Variants in MIF4GD observed in about 807,000 individuals in gnomAD.
MIF4GD encodes the protein MIF4G domain containing, also known as MIF4G domain-containing protein.
A neutral mutation model predicts 26.7 loss-of-function variants in MIF4GD; 22 were observed. That is an observed-to-expected ratio of 0.82 (90% CI 0.59 to 1.18). The LOEUF (loss-of-function observed/expected upper bound fraction) is 1.18, where lower values mean the gene tolerates loss of function less well. MIF4GD is among the 50% of genes most tolerant of loss of function. MIF4GD has a pLI of 0.00. For missense variants in MIF4GD, 262 were observed against 279.6 expected, an observed-to-expected ratio of 0.94 and a Z score of 0.45; for synonymous variants, 137 against 111.6, an observed-to-expected ratio of 1.23 and a Z score of -1.43.
At chr17:75,267,651 CAG>C in intron 4 of MIF4GD, 21 bp from the exon 5 acceptor site, 4 of 1,614,094 alleles carry the variant, frequency 2.5e-6, no homozygotes, top group Non-Finnish European at 3.4e-6. Context: ...GAGGAGGGGT[CAG>C]AGCACCAGGC....
chr17:75,267,977 C>T, intron 3 of MIF4GD, 76 bp from the exon 4 acceptor site: 2 of 1,600,516 alleles, frequency 1.2e-6, no homozygotes, highest in Non-Finnish European at 1.7e-6. Flanking sequence ...GCCTCTCTCT[C>T]TCTTTGAGCT....
At chr17:75,268,559 C>T (rs2077589929) in intron 2 of MIF4GD, among the ~76,000 whole-genome samples, 1 of 150,676 alleles carries the variant, frequency 6.6e-6, no homozygotes, top group Admixed American at 6.6e-5. Context: ...GTCATCCAAG[C>T]TACTTGGGAG....
intron 5 of MIF4GD, 168 bp downstream of exon 5, chr17:75,267,370 G>C (rs763888143): frequency 1.5e-5 from 10 of 667,158 alleles, no homozygotes; most frequent in Non-Finnish European, 2.0e-5. Flanking sequence ...ATAAACTCCA[G>C]ACCTGGCAGC....
Position 75,266,881 on chromosome 17 carries a change from C to T in MIF4GD, c.528G>A (p.Leu176=). 1 of 1,614,212 alleles carries T rather than the reference C, an allele frequency of 6.2e-7. No homozygotes were observed. The highest frequency in any genetic ancestry group is 8.5e-7 in the Non-Finnish European group (1 of 1,180,036). ...TTGGGAGCAGGAAGCCATCCCGGAT[C>T]AGCACAAAGAGCTCATCCATGCGCT... The part of the protein sequence containing the change: ...NGQRMDELFV[L]IRDGFLLPTG... The change falls in exon 6 of 6, where the codon CTG becomes CTA. Residue 176 remains leucine, a synonymous_variant. Coordinates refer to ENST00000325102, the MANE Select transcript of MIF4GD (RefSeq NM_001370592.1).
chr17:75,266,719 A>G lies in MIF4GD; in HGVS notation c.*21T>C. The G allele has an allele frequency of 6.2e-7, 1 of 1,609,024 alleles. No homozygotes were observed. The highest frequency in any genetic ancestry group is 8.5e-7 in the Non-Finnish European group (1 of 1,175,320). ...GGTAGAAGAAAGGCCAGTGCTGGTGAGGAAGCCCTGATCTGGAGGCCTAGT... is the reference window on the plus strand; with the variant it reads ...GGTAGAAGAAAGGCCAGTGCTGGTGGGGAAGCCCTGATCTGGAGGCCTAGT... On this transcript the variant is annotated 3_prime_UTR_variant, in exon 6 of 6. Coordinates refer to ENST00000325102, the MANE Select transcript of MIF4GD (RefSeq NM_001370592.1).
rs1196722317 is a variant in MIF4GD, at chr17:75,268,202, G to C, written c.83-10C>G. Reference sequence around the variant, plus strand: ...TCCACAGCACCCGGATCTAGGGGTAGAGATAGGAGGGGAGTCTAGAGCTGC... The same window carrying C: ...TCCACAGCACCCGGATCTAGGGGTACAGATAGGAGGGGAGTCTAGAGCTGC... On this transcript the variant is annotated splice_polypyrimidine_tract_variant and intron_variant, in intron 2 of 5. Transcript: ENST00000325102. 6.2e-7 allele frequency: 1 copy of C among 1,604,798 alleles called. No homozygotes were observed. Among genetic ancestry groups the C allele is most frequent in the Non-Finnish European group, 8.5e-7 (1 of 1,171,586 alleles).
Position 75,270,138 on chromosome 17 carries a change from G to C in MIF4GD, c.58C>G (p.Gln20Glu). 1 of 1,614,058 alleles carries C rather than the reference G, an allele frequency of 6.2e-7. No individual in the cohort carries two copies. The highest frequency in any genetic ancestry group is 1.3e-5 in the African/African-American group (1 of 75,046). Residue 20 changes from glutamine to glutamate, a missense_variant, in exon 2 of 6, where the codon CAG (glutamine) becomes GAG (glutamate). Gln to Glu is a conservative substitution (Grantham distance 29). Coordinates refer to ENST00000325102, the MANE Select transcript of MIF4GD (RefSeq NM_001370592.1). This position sits in a 1 kb window ranked among gnomAD's most constrained non-coding sequence, Gnocchi z 5.7. The stretch of plus-strand genomic sequence containing the variant: ...CCTTTGAGTGCTGTCTTCAGCAGCT[G>C]CTGGGTCTCTGCATCAAAGGACTGG... ...KIQSFDAETQ[Q>E]LLKTALKDPG...
In MIF4GD at chr17:75,266,400, GACATCCCAAA is replaced by G. The variant is rs1469831440; in HGVS notation, c.*330_*339del. The G allele has an allele frequency of 2.4e-6, 1 of 412,662 alleles. No individual in the cohort carries two copies. The highest frequency in any genetic ancestry group is 4.5e-6 in the Non-Finnish European group (1 of 220,170). The allele number at this position is 412,662 out of a possible 1,614,324, so 25.6% of individuals were successfully genotyped here. A position where few individuals can be genotyped will look rare whatever the true frequency, so the allele number is the denominator to read the frequency against. On this transcript the variant is annotated 3_prime_UTR_variant, in exon 6 of 6. Transcript: ENST00000325102. ...GACTTGTGCTCTGCCTCCACCCCTT[GACATCCCAAA>G]ATATCCCACCAGTGGCTATGCTTAC...
intron 2 of MIF4GD, 60 bp from the exon 3 acceptor site, chr17:75,268,252 C>T (rs989698872): frequency 3.2e-5 from 42 of 1,298,266 alleles, no homozygotes; most frequent in East Asian, 3.0e-4. Context: ...TGTGTCCACC[C>T]GCTTCTAAGA....
rs12547 is a variant in MIF4GD at position 75,266,542 on chromosome 17, T to C, written c.*198A>G. ...CCCTTCTCTGCCTGGCCGTGGTGGG[T>C]TGTGGTGGGGAAAGGGGCTCAGGGC... On this transcript the variant is annotated 3_prime_UTR_variant, in exon 6 of 6. Coordinates refer to ENST00000325102, the MANE Select transcript of MIF4GD (RefSeq NM_001370592.1). 260 of 608,290 alleles carry C rather than the reference T, an allele frequency of 4.3e-4. No homozygotes were observed. The African/African-American group carries it at 4.5e-3, about 11-fold the overall frequency. The allele number at this position is 608,290 out of a possible 1,614,324, so 37.7% of individuals were successfully genotyped here. A position where few individuals can be genotyped will look rare whatever the true frequency, so the allele number is the denominator to read the frequency against.
In MIF4GD at chr17:75,270,959, G is replaced by C. The variant is rs2145710164; in HGVS notation, c.-51+185C>G. On this transcript the variant is annotated intron_variant, in intron 1 of 5. Coordinates refer to ENST00000325102, the MANE Select transcript of MIF4GD (RefSeq NM_001370592.1). This position sits in a 1 kb window ranked among gnomAD's most constrained non-coding sequence, Gnocchi z 5.7. ...TCCTCTTACTGGGGGGCAGGATGATGCGCCCCGGAGAGGTGGCTCCCGCCG... is the reference window on the plus strand; with the variant it reads ...TCCTCTTACTGGGGGGCAGGATGATCCGCCCCGGAGAGGTGGCTCCCGCCG... 1 of 152,362 alleles carries C rather than the reference G, an allele frequency of 6.6e-6. No individual in the cohort carries two copies. Among genetic ancestry groups the C allele is most frequent in the African/African-American group, 2.4e-5 (1 of 41,586 alleles). The allele number at this position is 152,362 out of a possible 1,614,324, so 9.4% of individuals were successfully genotyped here.
intron 2 of MIF4GD, chr17:75,269,547 ACTTTTTTT>A: frequency 8.9e-5 from 68 of 765,986 alleles, no homozygotes; most frequent in East Asian, 2.4e-4. Context: ...TTATGGTTAA[ACTTTTTTT>A]TTTTTTTTTT....
chr17:75,267,930 G>GT, intron 3 of MIF4GD, 29 bp from the exon 4 acceptor site: 1 of 1,603,882 alleles, frequency 6.2e-7, no homozygotes, highest in Non-Finnish European at 8.5e-7. Flanking sequence ...AAGGTGAAGG[G>GT]TGGGGGGCGG....
rs2077569092 is a variant in MIF4GD, at chr17:75,268,072, C to G, written c.192+11G>C. 4.3e-6 allele frequency: 7 copies of G among 1,613,712 alleles called. No homozygotes were observed. The highest frequency in any genetic ancestry group is 5.9e-6 in the Non-Finnish European group (7 of 1,179,680). On this transcript the variant is annotated intron_variant, in intron 3 of 5. Coordinates refer to ENST00000325102, the MANE Select transcript of MIF4GD (RefSeq NM_001370592.1). ...CTCAAAGCAGCTTCCTTTCCTCTCC[C>G]AACCCCCAACCTGAATGATGGCGTA...
At chr17:75,267,676 G>T in intron 4 of MIF4GD, 46 bp from the exon 5 acceptor site, 1 of 1,613,740 alleles carries the variant, frequency 6.2e-7, no homozygotes, top group Non-Finnish European at 8.5e-7. Context: ...AGTGGCCAAG[G>T]GGAGCAGTCC....
Position 75,266,377 on chromosome 17 carries a change from C to T in MIF4GD, c.*363G>A, listed in dbSNP as rs1015269217. 3.8e-5 allele frequency: 15 copies of T among 391,190 alleles called. No homozygotes were observed. Among genetic ancestry groups the T allele is most frequent in the Non-Finnish European group, 6.2e-5 (13 of 208,112 alleles). The allele number at this position is 391,190 out of a possible 1,614,324, so 24.2% of individuals were successfully genotyped here. A position where few individuals can be genotyped will look rare whatever the true frequency, so the allele number is the denominator to read the frequency against. ...GTATAAAAAGCAGTTTCTGGTGTGA[C>T]TTGTGCTCTGCCTCCACCCCTTGAC... On this transcript the variant is annotated 3_prime_UTR_variant, in exon 6 of 6. Coordinates refer to ENST00000325102, the MANE Select transcript of MIF4GD (RefSeq NM_001370592.1).
chr17:75,269,294 C>T, intron 2 of MIF4GD: 1 of 1,603,820 alleles, frequency 6.2e-7, no homozygotes, highest in South Asian at 1.1e-5. Context: ...GGCCTCCCAA[C>T]AGGCTCGGCT....
Position 75,270,475 on chromosome 17 carries a change from G to T in MIF4GD, c.-50-230C>A, listed in dbSNP as rs1403351490. 2 of 393,422 alleles carry T rather than the reference G, an allele frequency of 5.1e-6. No individual in the cohort carries two copies. Among genetic ancestry groups the T allele is most frequent in the Non-Finnish European group, 9.4e-6 (2 of 212,066 alleles). 24.4% of individuals were successfully genotyped at this position (393,422 alleles called of 1,614,324 possible). A position where few individuals can be genotyped will look rare whatever the true frequency, so the allele number is the denominator to read the frequency against. ...ATCCCTCGCTTGTGGGATTACACAA[G>T]AGCGAGAAGCTGAAGCAGGAAAGCG... On this transcript the variant is annotated intron_variant, in intron 1 of 5. Coordinates refer to ENST00000325102, the MANE Select transcript of MIF4GD (RefSeq NM_001370592.1). The surrounding 1 kb of genome is among the most constrained non-coding windows in gnomAD (Gnocchi z 5.7).
chr17:75,269,547 ACTTTTTTTT>A, intron 2 of MIF4GD: 10 of 766,052 alleles, frequency 1.3e-5, no homozygotes, highest in South Asian at 2.2e-5. Context: ...TTATGGTTAA[ACTTTTTTTT>A]TTTTTTTTTT....
Sources: allele counts gnomAD v4.1 joint callset (sites outside exome capture counted in the v4.1 genomes callset), GRCh38; gene constraint gnomAD v4.1.1; non-coding constraint Gnocchi (gnomAD v3.1); transcripts MANE v1.5; gene names NCBI Gene and HGNC (gene_info 2026-07-23, HGNC 2026-07-21).